The following ARHGAP40 variants were observed in gnomAD, a reference collection of about 807,000 sequenced individuals.
ARHGAP40 encodes the protein rho GTPase-activating protein 40.
ARHGAP40 carries 43 observed loss-of-function variants against 73.5 expected under a neutral mutation model. The ratio of observed to expected loss-of-function variants is 0.58; its 90% CI spans 0.46 to 0.75. The LOEUF is 0.75. ARHGAP40 is among the 30% of genes least tolerant of loss of function. The probability of loss-of-function intolerance (pLI) is 0.00; values close to 1 mark genes in which losing one functional copy is unlikely to be tolerated. For synonymous variants in ARHGAP40, 300 were observed against 352.8 expected, an observed-to-expected ratio of 0.85 and a Z score of 1.68; for missense variants, 734 against 861.8, an observed-to-expected ratio of 0.85 and a Z score of 1.86.
At chr20:38,603,509 C>A (rs1015276159) in intron 1 of ARHGAP40, among the ~76,000 whole-genome samples, 2 of 152,030 alleles carry the variant, frequency 1.3e-5, no homozygotes, top group Non-Finnish European at 2.9e-5. Flanking sequence ...TGTATCTAAT[C>A]TATCTATCCA....
At position 38,646,218 on chromosome 20, in the gene ARHGAP40, A is replaced by G. The variant is rs117796; in HGVS notation, c.1710+31A>G. 668,949 of 1,282,364 alleles carry G rather than the reference A, an allele frequency of 0.52. 175,964 individuals are homozygous for G. Among genetic ancestry groups the G allele is most frequent in the East Asian group, 0.59 (10,260 of 17,366 alleles). 79.4% of individuals were successfully genotyped at this position (1,282,364 alleles called of 1,614,324 possible). A position where few individuals can be genotyped will look rare whatever the true frequency, so the allele number is the denominator to read the frequency against. ...TGCCCCCGACCCCAGACAGGTGGAG[A>G]AGGGCCGAGGCGACAGGAGGGCACC... On this transcript the variant is annotated intron_variant, in intron 12 of 14. Coordinates refer to ENST00000373345, the Ensembl canonical transcript of ARHGAP40. This position sits in a 1 kb window ranked among gnomAD's most constrained non-coding sequence, Gnocchi z 4.5.
intron 7 of ARHGAP40, 84 bp from the exon 8 acceptor site, chr20:38,638,677 G>T (rs925646865): frequency 9.3e-7 from 1 of 1,080,686 alleles, no homozygotes; most frequent in Non-Finnish European, 1.3e-6. Context: ...CCCTCTTTCT[G>T]ATTTTCATGG....
At chr20:38,640,826 T>C (rs935107355) in intron 9 of ARHGAP40, among the ~76,000 whole-genome samples, 5 of 152,198 alleles carry the variant, frequency 3.3e-5, no homozygotes, top group Admixed American at 1.3e-4. Context: ...CTGGCTGTCA[T>C]TGCCTGCGAG....
At chr20:38,615,545 G>A (rs1027004515) in intron 1 of ARHGAP40, 22 of 576,468 alleles carry the variant, frequency 3.8e-5, no homozygotes, top group South Asian at 2.2e-4. Flanking sequence ...AGGAGGTGCC[G>A]CAGCCACTGT....
chr20:38,632,984 G>A (rs777394072), intron 5 of ARHGAP40, among the ~76,000 whole-genome samples: 15 of 152,178 alleles, frequency 9.9e-5, no homozygotes, highest in Non-Finnish European at 1.6e-4. Flanking sequence ...TTAGCTGGGT[G>A]TGGTGGTACA....
At chr20:38,639,643 A>G (rs564582644) in intron 9 of ARHGAP40, among the ~76,000 whole-genome samples, 1 of 152,340 alleles carries the variant, frequency 6.6e-6, no homozygotes, top group East Asian at 1.9e-4. Context: ...GGTTTTGCAC[A>G]CTACAGTCCC....
At chr20:38,624,377 A>G (rs1225289887) in intron 2 of ARHGAP40, among the ~76,000 whole-genome samples, 2 of 152,166 alleles carry the variant, frequency 1.3e-5, no homozygotes, top group East Asian at 3.9e-4. Flanking sequence ...GAAGAAAGAC[A>G]ACATTGCTTC....
chr20:38,645,989 C>T lies in ARHGAP40; in HGVS notation c.1570-58C>T, dbSNP rs1406147027. 2.4e-6 allele frequency: 3 copies of T among 1,242,752 alleles called. No homozygotes were observed. The Admixed American group carries it at 8.1e-5, about 34-fold the overall frequency. 77.0% of individuals were successfully genotyped at this position (1,242,752 alleles called of 1,614,324 possible). A position where few individuals can be genotyped will look rare whatever the true frequency, so the allele number is the denominator to read the frequency against. On this transcript the variant is annotated intron_variant, in intron 11 of 14. Transcript: ENST00000373345. ...GGCCACGATGACCCTGGAGAGGGCT[C>T]TGCCTCTCGCCCCCAGAAGTCCTAT...
chr20:38,628,975 A>G lies in ARHGAP40; in HGVS notation c.607A>G (p.Ser203Gly), dbSNP rs944419632. ...CTCCGGTATGAAGGGGGCCCAGCTC[A>G]GTTCCGGGGCCTCTAAGTTTCCTCC... is the stretch of plus-strand genomic sequence containing the variant. The change falls in exon 4 of 15, where the codon AGT (serine) becomes GGT (glycine). Residue 203 changes from serine to glycine, a missense_variant. By Grantham distance (56) the Ser-to-Gly change is moderately conservative (BLOSUM62 0). Coordinates refer to ENST00000373345, the Ensembl canonical transcript of ARHGAP40. 13 of 1,305,004 alleles carry G rather than the reference A, an allele frequency of 1.0e-5. No individual in the cohort carries two copies. The highest frequency in any genetic ancestry group is 1.5e-5 in the African/African-American group (1 of 65,832). 80.8% of individuals were successfully genotyped at this position (1,305,004 alleles called of 1,614,324 possible).
At chr20:38,645,976 C>G (rs1007631009) in intron 11 of ARHGAP40, 71 bp from the exon 12 acceptor site, 28 of 1,215,686 alleles carry the variant, frequency 2.3e-5, no homozygotes, top group African/African-American at 3.2e-5. Flanking sequence ...CCACGATGAC[C>G]CTGGAGAGGG....
At chr20:38,626,906 A>G in intron 2 of ARHGAP40, 89 bp from the exon 3 acceptor site, 1 of 1,016,194 alleles carries the variant, frequency 9.8e-7, no homozygotes, top group Non-Finnish European at 1.3e-6. Context: ...TGTCCAGGTG[A>G]GTGTGTGCTT....
At chr20:38,627,071 T>A (rs189857992) in exon 3 of ARHGAP40, 2 of 1,305,312 alleles carry the variant, frequency 1.5e-6, no homozygotes, top group Non-Finnish European at 2.0e-6. Context: ...TGGATGGTGA[T>A]CACCAGGAGC....
intron 3 of ARHGAP40, among the ~76,000 whole-genome samples, chr20:38,627,623 G>GTA (rs368290522): frequency 1.5e-5 from 2 of 135,290 alleles, no homozygotes; most frequent in Admixed American, 7.3e-5. Context: ...GTGTTGGTGT[G>GTA]TGTGTGTTGG....
chr20:38,615,198 T>G, intron 1 of ARHGAP40: 1 of 791,308 alleles, frequency 1.3e-6, no homozygotes, highest in Non-Finnish European at 2.3e-6. Context: ...TTCCATGTAG[T>G]AAAGGCTGGT....
intron 1 of ARHGAP40, among the ~76,000 whole-genome samples, chr20:38,620,323 G>A (rs1281868807): frequency 2.0e-5 from 3 of 152,174 alleles, no homozygotes; most frequent in East Asian, 1.9e-4. Context: ...GGTACTCACC[G>A]CCATGCTGCA....
rs181524255 is a variant in ARHGAP40 at position 38,645,663 on chromosome 20, C to A, written c.1570-384C>A. Reference sequence around the variant, plus strand: ...TGATCTGGAGGTCTCTGTAGGAATCCCCCAGTGTGGGCTCTCTGGGGGTTC... The same window carrying A: ...TGATCTGGAGGTCTCTGTAGGAATCACCCAGTGTGGGCTCTCTGGGGGTTC... On this transcript the variant is annotated intron_variant, in intron 11 of 14. Coordinates refer to ENST00000373345, the Ensembl canonical transcript of ARHGAP40. Among the ~76,000 whole-genome samples the A allele has an allele frequency of 3.3e-5, 5 of 152,116 alleles. No homozygotes were observed. In the East Asian group the frequency reaches 9.7e-4, roughly 29 times the overall value.
chr20:38,617,717 C>T (rs955819798), intron 1 of ARHGAP40, among the ~76,000 whole-genome samples: 1 of 152,212 alleles, frequency 6.6e-6, no homozygotes, highest in African/African-American at 2.4e-5. Context: ...CCCCTGCCCA[C>T]TCTGCAGGAC....
At chr20:38,613,578 AC>A (rs1231739777) in intron 1 of ARHGAP40, among the ~76,000 whole-genome samples, 1 of 151,954 alleles carries the variant, frequency 6.6e-6, no homozygotes, top group African/African-American at 2.4e-5. Flanking sequence ...GTGGAGAAGC[AC>A]CCTGCCCTGG....
rs1490781953 is a variant in ARHGAP40 at position 38,646,124 on chromosome 20, C to T, written c.1647C>T (p.Gly549=). 1.5e-6 allele frequency: 2 copies of T among 1,304,110 alleles called. No individual in the cohort carries two copies. Among genetic ancestry groups the T allele is most frequent in the Non-Finnish European group, 2.0e-6 (2 of 988,892 alleles). The allele number at this position is 1,304,110 out of a possible 1,614,324, so 80.8% of individuals were successfully genotyped here. The change falls in exon 12 of 15, where the codon GGC becomes GGT. Residue 549 remains glycine, a synonymous_variant. Transcript: ENST00000373345. The surrounding 1 kb of genome is among the most constrained non-coding windows in gnomAD (Gnocchi z 4.5). ...GGCGCCCCCAGCTCTGCGACGCAGG[C>T]CTCAAGACTTGGCTGCGGAGGATGC...
Sources: allele counts gnomAD v4.1 joint callset (sites outside exome capture counted in the v4.1 genomes callset), GRCh38; gene constraint gnomAD v4.1.1; non-coding constraint Gnocchi (gnomAD v3.1); transcripts MANE v1.5; gene names NCBI Gene and HGNC (gene_info 2026-07-23, HGNC 2026-07-21).